Variants in MYZAP observed in about 807,000 individuals in gnomAD.
MYZAP encodes the protein myocardial zonula adherens protein, also known as GRINL1A complex locus upstream.
Under a neutral mutation model 69.4 loss-of-function variants are expected in MYZAP, and 66 were observed. The ratio of observed to expected loss-of-function variants is 0.95; its 90% confidence interval spans 0.78 to 1.17. The LOEUF is 1.17. Among genes scored for constraint, MYZAP ranks in the 50% most tolerant of loss-of-function variants. The pLI is 0.00. For missense variants in MYZAP, 611 were observed against 556.2 expected, an observed-to-expected ratio of 1.10 and a Z score of -0.99; for synonymous variants, 256 against 205.9, an observed-to-expected ratio of 1.24 and a Z score of -2.09.
At chr15:57,635,989 A>G (rs1166567223) in intron 8 of MYZAP, among the ~76,000 whole-genome samples, 3 of 152,222 alleles carry the variant, frequency 2.0e-5, no homozygotes, top group Admixed American at 2.0e-4. Context: ...TAATCTGGGC[A>G]GTGGTTTCAC....
intron 10 of MYZAP, chr15:57,648,648 C>T (rs1376868355): frequency 4.9e-6 from 1 of 203,914 alleles, no homozygotes; most frequent in Non-Finnish European, 8.6e-6. Flanking sequence ...CCAAAGTCAG[C>T]CTTTGTTCTT....
At chr15:57,600,069 C>CAT (rs1209261624) in intron 1 of MYZAP, among the ~76,000 whole-genome samples, 79 of 148,670 alleles carry the variant, frequency 5.3e-4, no homozygotes, top group African/African-American at 1.9e-3. Context: ...CTTCCGCCTA[C>CAT]ATCTACACAA....
At chr15:57,622,579 T>G (rs141752710) in intron 4 of MYZAP, among the ~76,000 whole-genome samples, 104 of 152,256 alleles carry the variant, frequency 6.8e-4, no homozygotes, top group African/African-American at 2.5e-3. Context: ...CAATAAAAAG[T>G]ACTCCAGAAA....
chr15:57,651,437 A>G (rs1398465497), intron 10 of MYZAP, among the ~76,000 whole-genome samples: 1 of 152,228 alleles, frequency 6.6e-6, no homozygotes, highest in East Asian at 1.9e-4. Flanking sequence ...TTAGGGCCCC[A>G]GCAGATCCTT....
At position 57,672,458 on chromosome 15, in the gene MYZAP, C is replaced by T. The variant is rs538511126; in HGVS notation, c.1204-2510C>T. Among the ~76,000 whole-genome samples, 5 of 152,320 alleles carry T rather than the reference C, an allele frequency of 3.3e-5. No individual in the cohort carries two copies. In the East Asian group the frequency reaches 9.6e-4, roughly 29 times the overall value. ...AGAGATCTCATTAGTTGTTTCTAATCTGTTATTCAGAATGTACAGCTGTGA... is the reference window on the plus strand; with the variant it reads ...AGAGATCTCATTAGTTGTTTCTAATTTGTTATTCAGAATGTACAGCTGTGA... On this transcript the variant is annotated intron_variant, in intron 11 of 12. Transcript: ENST00000267853.
intron 1 of MYZAP, among the ~76,000 whole-genome samples, chr15:57,594,171 C>G (rs893419030): frequency 6.6e-6 from 1 of 152,178 alleles, no homozygotes; most frequent in South Asian, 2.1e-4. Flanking sequence ...GCTGGAGTGC[C>G]ATGGCACGAT....
At position 57,614,815 on chromosome 15, in the gene MYZAP, C is replaced by T. The variant is rs542260009; in HGVS notation, c.163-3218C>T. Among the ~76,000 whole-genome samples the T allele has an allele frequency of 1.1e-3, 169 of 152,240 alleles. 2 individuals carry two copies. The South Asian group carries it at 0.016, about 15-fold the overall frequency. ...CAATTTGGAAAGACATAGGCAGGCACTTGCAGGCTGTTACCCTGGAAGAAG... is the reference window on the plus strand; with the variant it reads ...CAATTTGGAAAGACATAGGCAGGCATTTGCAGGCTGTTACCCTGGAAGAAG... On this transcript the variant is annotated intron_variant, in intron 2 of 12. Coordinates refer to ENST00000267853, the MANE Select transcript of MYZAP (RefSeq NM_001018100.5).
chr15:57,613,754 C>T (rs2934432), intron 2 of MYZAP, among the ~76,000 whole-genome samples: 10,702 of 152,242 alleles, frequency 0.07, 1,026 homozygotes, highest in African/African-American at 0.22. Context: ...CATTGATCCT[C>T]TCTCCAGCAC....
chr15:57,665,024 CTT>C (rs2038496990), intron 11 of MYZAP, among the ~76,000 whole-genome samples: 1 of 152,196 alleles, frequency 6.6e-6, no homozygotes, highest in Non-Finnish European at 1.5e-5. Flanking sequence ...CCCAGGGACT[CTT>C]TTATTGTCAT....
Position 57,623,434 on chromosome 15 carries a change from A to G in MYZAP, c.411+1734A>G, listed in dbSNP as rs572763027. Among the ~76,000 whole-genome samples, 8 of 152,330 alleles carry G rather than the reference A, an allele frequency of 5.3e-5. No homozygotes were observed. In the South Asian group the frequency reaches 1.5e-3, roughly 28 times the overall value. On this transcript the variant is annotated intron_variant, in intron 4 of 12. Transcript: ENST00000267853. ...AAAACAATTGGAAACCTAAATGTCT[A>G]TCAAGTAGAGGAAAGTGGACAGGCA...
Position 57,644,502 on chromosome 15 carries a change from G to A in MYZAP, c.1119+4957G>A, listed in dbSNP as rs1377761401. 2.0e-5 allele frequency among the ~76,000 whole-genome samples: 3 copies of A among 152,138 alleles called. No homozygotes were observed. The East Asian group carries it at 5.8e-4, about 29-fold the overall frequency. The stretch of plus-strand genomic sequence containing the variant: ...GCCCTGTTGCTCAGGCTGGAGTGCA[G>A]TGGTGCAATCATACCTTCCTGCAGC... On this transcript the variant is annotated intron_variant, in intron 10 of 12. Coordinates refer to ENST00000267853, the MANE Select transcript of MYZAP (RefSeq NM_001018100.5).
rs752134567 is a variant in MYZAP, at chr15:57,621,589, G to T, written c.319-19G>T. On this transcript the variant is annotated intron_variant, in intron 3 of 12. Coordinates refer to ENST00000267853, the MANE Select transcript of MYZAP (RefSeq NM_001018100.5). ...AATGTTATGGCTTGATCTCTAACTA[G>T]TATCTTTGTGGGCTACAGGTGAGAG... is the stretch of plus-strand genomic sequence containing the variant. 4.3e-6 allele frequency: 7 copies of T among 1,610,682 alleles called. No homozygotes were observed. In the South Asian group the frequency reaches 6.6e-5, roughly 15 times the overall value.
At chr15:57,644,048 A>C (rs1216790821) in intron 10 of MYZAP, among the ~76,000 whole-genome samples, 2 of 152,244 alleles carry the variant, frequency 1.3e-5, no homozygotes, top group African/African-American at 4.8e-5. Flanking sequence ...GGGGAGCTTT[A>C]AGACATGCCT....
intron 1 of MYZAP, among the ~76,000 whole-genome samples, chr15:57,592,686 G>A (rs1445963360): frequency 1.6e-4 from 25 of 152,286 alleles, no homozygotes; most frequent in Non-Finnish European, 1.5e-5. Context: ...TGACAACAAT[G>A]GCAGCACTGA....
intron 5 of MYZAP, 84 bp from the exon 6 acceptor site, chr15:57,629,618 A>G: frequency 6.6e-7 from 1 of 1,526,252 alleles, no homozygotes; most frequent in Non-Finnish European, 8.8e-7. Flanking sequence ...GTGCTTAATG[A>G]TAAGGGGATG....
intron 11 of MYZAP, among the ~76,000 whole-genome samples, chr15:57,671,608 T>G (rs1227586071): frequency 3.9e-5 from 6 of 152,158 alleles, no homozygotes; most frequent in African/African-American, 1.4e-4. Flanking sequence ...ATTGGATAAT[T>G]TATATTAATG....
In MYZAP at chr15:57,604,341, G is replaced by A; in HGVS notation, c.148G>A (p.Glu50Lys). The change falls in exon 2 of 13, where the codon GAG becomes AAG. Residue 50 changes from glutamate to lysine, a missense_variant. Physicochemically the swap from Glu to Lys is moderately conservative, Grantham distance 56 (BLOSUM62 1). Transcript: ENST00000267853. ...PVPEQCEKKI[E>K]RKEQLLDLSN... ...TCCTGAGCAATGTGAAAAGAAGATT[G>A]AGAGAAAAGAGCAGGTAAGGTATCT... 1 of 1,614,180 alleles carries A rather than the reference G, an allele frequency of 6.2e-7. No individual in the cohort carries two copies. The highest frequency in any genetic ancestry group is 1.1e-5 in the South Asian group (1 of 91,078).
intron 3 of MYZAP, among the ~76,000 whole-genome samples, chr15:57,621,062 T>C (rs932643089): frequency 2.7e-5 from 4 of 148,062 alleles, no homozygotes; most frequent in Non-Finnish European, 6.0e-5. Context: ...GTATATAAAA[T>C]ATATACATAA....
intron 10 of MYZAP, among the ~76,000 whole-genome samples, chr15:57,660,093 T>C (rs2038209165): frequency 6.6e-6 from 1 of 152,204 alleles, no homozygotes; most frequent in African/African-American, 2.4e-5. Flanking sequence ...CATCATACCA[T>C]GCATGGTTTA....
Sources: gnomAD v4.1 joint callset for allele counts (sites outside exome capture counted in the v4.1 genomes callset) on GRCh38, gnomAD v4.1.1 for gene constraint, MANE v1.5 for transcripts, NCBI Gene and HGNC (gene_info 2026-07-23, HGNC 2026-07-21) for gene names.